GREB1: variants seen among roughly 807,000 people sequenced by gnomAD.
GREB1 encodes growth regulating estrogen receptor binding 1.
A neutral mutation model predicts 200.7 loss-of-function variants in GREB1; 106 were observed. The observed-to-expected ratio is 0.53, with a 90% CI of 0.45 to 0.62. The LOEUF (loss-of-function observed/expected upper bound fraction) is 0.62, where lower values mean the gene tolerates loss of function less well. Among genes scored for constraint, GREB1 ranks in the 20% least tolerant of loss-of-function variants. GREB1 has a pLI of 0.00. For synonymous variants in GREB1, 1,132 were observed against 1,092.4 expected (o/e 1.04, Z -0.72); for missense variants, 2,243 against 2,556.8 (o/e 0.88, Z 2.65).
Position 11,633,974 on chromosome 2 carries a change from G to T in GREB1, c.4992-157G>T, listed in dbSNP as rs79748700. Among the ~76,000 whole-genome samples the T allele has an allele frequency of 6.6e-6, 1 of 152,202 alleles. No individual in the cohort carries two copies. Among genetic ancestry groups the T allele is most frequent in the African/African-American group, 2.4e-5 (1 of 41,436 alleles). Reference sequence around the variant, plus strand: ...GCAGAAATGAGCGCCCGTGGGAAGCGCCCAGCAGGGTGCCTGGCCCTGGGG... The same window carrying T: ...GCAGAAATGAGCGCCCGTGGGAAGCTCCCAGCAGGGTGCCTGGCCCTGGGG... On this transcript the variant is annotated intron_variant, in intron 28 of 32. Coordinates refer to ENST00000381486, the MANE Select transcript of GREB1 (RefSeq NM_014668.4). This position sits in a 1 kb window ranked among gnomAD's most constrained non-coding sequence, Gnocchi z 4.1.
chr2:11,557,622 C>G (rs1056798981), intron 2 of GREB1, among the ~76,000 whole-genome samples: 1 of 152,174 alleles, frequency 6.6e-6, no homozygotes, highest in African/African-American at 2.4e-5. Context: ...TGTGGAGGTG[C>G]TTGTCTTCAA....
chr2:11,585,050 T>G, intron 7 of GREB1, 111 bp from the exon 8 acceptor site: 1 of 529,754 alleles, frequency 1.9e-6, no homozygotes. Flanking sequence ...GAATCTGTGA[T>G]TAGAAAAAAA....
intron 25 of GREB1, 94 bp downstream of exon 25, chr2:11,627,198 G>A: frequency 8.4e-7 from 1 of 1,190,648 alleles, no homozygotes; most frequent in South Asian, 1.7e-5. Context: ...GTGGGAGATA[G>A]AGAGTTCTGG....
intron 17 of GREB1, among the ~76,000 whole-genome samples, 159 bp downstream of exon 17, chr2:11,602,701 A>C (rs956999429): frequency 1.3e-5 from 2 of 151,988 alleles, no homozygotes; most frequent in African/African-American, 2.4e-5. Flanking sequence ...CTTCTCCTCT[A>C]TTTGAATCCC....
Position 11,580,779 on chromosome 2 carries a change from G to A in GREB1, c.848G>A (p.Cys283Tyr), listed in dbSNP as rs749143603. ...AVFNGKDSPK[C>Y]QQLAKNNLLA... ...TTCAACGGCAAAGATTCCCCGAAGT[G>A]CCAACAACTGGCAAAGAATAACCTG... Residue 283 changes from cysteine to tyrosine, a missense_variant, in exon 7 of 33, where the codon TGC becomes TAC. Cys to Tyr is a radical substitution (Grantham distance 194). Around this residue, in one of 3 missense-constraint regions of GREB1, gnomAD observed 1,178 missense variants for 1,387.4 expected, o/e 0.85. Coordinates refer to ENST00000381486, the MANE Select transcript of GREB1 (RefSeq NM_014668.4). The surrounding 1 kb of genome is among the most constrained non-coding windows in gnomAD (Gnocchi z 4.5). The A allele has an allele frequency of 1.2e-6, 2 of 1,614,222 alleles. No individual in the cohort carries two copies. The highest frequency in any genetic ancestry group is 1.7e-5 in the Admixed American group (1 of 60,030).
intron 1 of GREB1, among the ~76,000 whole-genome samples, chr2:11,498,712 C>T (rs527382818): frequency 4.5e-4 from 68 of 152,274 alleles, no homozygotes; most frequent in African/African-American, 1.5e-3. Flanking sequence ...TGACACTTGG[C>T]GTCCTGGGCT....
At chr2:11,496,203 C>T (rs868364741) in intron 1 of GREB1, among the ~76,000 whole-genome samples, 7 of 152,220 alleles carry the variant, frequency 4.6e-5, no homozygotes, top group African/African-American at 1.2e-4. Flanking sequence ...GATCAGGCAC[C>T]GGCCACTGTG....
chr2:11,637,056 GGGCAGGGACAGA>G (rs1685433537), intron 30 of GREB1, among the ~76,000 whole-genome samples: 1 of 136,122 alleles, frequency 7.3e-6, no homozygotes, highest in African/African-American at 2.6e-5. Context: ...ACAGAGGCAG[GGGCAGGGACAGA>G]GGCAGGGGCA....
At chr2:11,587,449 A>T in intron 9 of GREB1, 1 of 1,613,924 alleles carries the variant, frequency 6.2e-7, no homozygotes, top group East Asian at 2.2e-5. Context: ...CCCGGAGCTT[A>T]TGAGAGGCGT....
At chr2:11,576,310 A>C (rs1456655183) in intron 4 of GREB1, 43 bp from the exon 5 acceptor site, 2 of 1,488,104 alleles carry the variant, frequency 1.3e-6, no homozygotes, top group Non-Finnish European at 1.8e-6. Context: ...TTCATCTCAA[A>C]AAAAAAAAAA....
chr2:11,617,631 G>A (rs1213312270), intron 21 of GREB1, among the ~76,000 whole-genome samples: 1 of 152,242 alleles, frequency 6.6e-6, no homozygotes, highest in Non-Finnish European at 1.5e-5. Context: ...TGTTGCAAGT[G>A]CAGGAAGCCT....
intron 1 of GREB1, among the ~76,000 whole-genome samples, chr2:11,487,971 A>G (rs1249471052): frequency 6.6e-6 from 1 of 151,980 alleles, no homozygotes. Context: ...TTTAGTTTTG[A>G]CCTCGACAGA....
Position 11,580,805 on chromosome 2 carries a change from T to C in GREB1, c.874T>C (p.Leu292=). ...CCAACAACTGGCAAAGAATAACCTG[T>C]TGGCCCTGCCGCGACCATCGGCTTT... ...KCQQLAKNNL[L]ALPRPSALGI... Residue 292 remains leucine (L), a synonymous_variant, in exon 7 of 33, where the codon TTG becomes CTG. Transcript: ENST00000381486. This position sits in a 1 kb window ranked among gnomAD's most constrained non-coding sequence, Gnocchi z 4.5. 1 of 1,614,258 alleles carries C rather than the reference T, an allele frequency of 6.2e-7. No individual in the cohort carries two copies. The highest frequency in any genetic ancestry group is 8.5e-7 in the Non-Finnish European group (1 of 1,180,040).
At chr2:11,639,230 C>A (rs1685624887) in intron 32 of GREB1, among the ~76,000 whole-genome samples, 2 of 152,192 alleles carry the variant, frequency 1.3e-5, no homozygotes, top group Non-Finnish European at 2.9e-5. Context: ...TCTGGGATTA[C>A]AGGTGCCCGC....
chr2:11,562,770 A>T, intron 3 of GREB1, 188 bp downstream of exon 3: 1 of 520,202 alleles, frequency 1.9e-6, no homozygotes, highest in Non-Finnish European at 3.3e-6. Flanking sequence ...CCCTCCTGAA[A>T]CAGGAGCTCC....
chr2:11,590,349 C>T (rs1444072960), intron 10 of GREB1, among the ~76,000 whole-genome samples: 13 of 152,106 alleles, frequency 8.5e-5, no homozygotes, highest in Admixed American at 8.5e-4. Flanking sequence ...AGAGCCCTGC[C>T]GCGGCTTCCC....
At chr2:11,586,996 C>T (rs191041804) in intron 9 of GREB1, among the ~76,000 whole-genome samples, 81 of 152,276 alleles carry the variant, frequency 5.3e-4, no homozygotes, top group African/African-American at 1.9e-3. Flanking sequence ...GGGTGCAGGG[C>T]TTGGAGGTGC....
intron 26 of GREB1, among the ~76,000 whole-genome samples, chr2:11,631,285 C>T (rs1276602218): frequency 2.6e-5 from 4 of 152,060 alleles, no homozygotes; most frequent in Admixed American, 6.6e-5. Flanking sequence ...TATAACAACC[C>T]GAGTGGATAG....
At position 11,597,383 on chromosome 2, in the gene GREB1, T is replaced by C. The variant is rs1379363151; in HGVS notation, c.1955-398T>C. On this transcript the variant is annotated intron_variant, in intron 13 of 32. Transcript: ENST00000381486. The surrounding 1 kb of genome is among the most constrained non-coding windows in gnomAD (Gnocchi z 4.1). ...CTCTGAGTCTGTTGCTGATGTTTTT[T>C]ATTCATACAGAGTTCCTAAATGACT... Among the ~76,000 whole-genome samples the C allele has an allele frequency of 1.3e-5, 2 of 152,142 alleles. No homozygotes were observed. Among genetic ancestry groups the C allele is most frequent in the Non-Finnish European group, 2.9e-5 (2 of 68,012 alleles).
Sources: allele counts gnomAD v4.1 joint callset (sites outside exome capture counted in the v4.1 genomes callset), GRCh38; gene constraint gnomAD v4.1.1; regional missense constraint gnomAD v4.1.1; non-coding constraint Gnocchi (gnomAD v3.1); transcripts MANE v1.5; gene names NCBI Gene and HGNC (gene_info 2026-07-23, HGNC 2026-07-21).